COL4A1: variants seen among roughly 807,000 people sequenced by gnomAD.
COL4A1 encodes collagen type IV alpha 1 chain, also known as collagen alpha-1(IV) chain.
In COL4A1, 40 loss-of-function variants were observed where a neutral mutation model predicts 216.6. That is an observed-to-expected ratio of 0.18 (90% confidence interval 0.14 to 0.24). The LOEUF (loss-of-function observed/expected upper bound fraction) is 0.24, where lower values mean the gene tolerates loss of function less well. Among genes scored for constraint, COL4A1 ranks in the 10% least tolerant of loss-of-function variants. The probability of loss-of-function intolerance (pLI) is 1.00; values close to 1 mark genes in which losing one functional copy is unlikely to be tolerated. For missense variants in COL4A1, 1,628 were observed against 2,196.8 expected, an observed-to-expected ratio of 0.74 and a Z score of 5.18; for synonymous variants, 839 against 810.7, an observed-to-expected ratio of 1.03 and a Z score of -0.59.
chr13:110,267,361 A>G (rs1269741871), intron 1 of COL4A1, among the ~76,000 whole-genome samples: 1 of 152,216 alleles, frequency 6.6e-6, no homozygotes, highest in Non-Finnish European at 1.5e-5. Context: ...ACTCAAGCTC[A>G]CAAAGATGAA....
At chr13:110,206,931 C>T (rs200103606) in intron 13 of COL4A1, 40 bp from the exon 14 acceptor site, 2 of 1,609,646 alleles carry the variant, frequency 1.2e-6, no homozygotes, top group East Asian at 4.5e-5. Context: ...TATCAAACAG[C>T]TGTATCATTT....
chr13:110,181,470 G>T, intron 28 of COL4A1, 81 bp from the exon 29 acceptor site: 1 of 1,371,296 alleles, frequency 7.3e-7, no homozygotes, highest in Non-Finnish European at 1.0e-6. Context: ...TTCACTTTTA[G>T]TCTTGCCCAG....
chr13:110,152,045 T>G (rs1326568612), intron 51 of COL4A1, among the ~76,000 whole-genome samples: 3 of 152,214 alleles, frequency 2.0e-5, no homozygotes, highest in Non-Finnish European at 4.4e-5. Context: ...AAACATGCTC[T>G]GTTTGGAGAT....
In COL4A1 at chr13:110,259,583, G is replaced by A. The variant is rs186483267; in HGVS notation, c.85-16849C>T. On this transcript the variant is annotated intron_variant, in intron 1 of 51. Coordinates refer to ENST00000375820, the MANE Select transcript of COL4A1 (RefSeq NM_001845.6). ...AATTTTCCTTTTCAAAAACCAGAGC[G>A]AATCTTTACTGGAACAATTCACTAT... Among the ~76,000 whole-genome samples, 9 of 152,246 alleles carry A rather than the reference G, an allele frequency of 5.9e-5. No homozygotes were observed. The East Asian group carries it at 9.6e-4, about 16-fold the overall frequency.
At chr13:110,244,415 C>A (rs1465390741) in intron 1 of COL4A1, among the ~76,000 whole-genome samples, 3 of 152,168 alleles carry the variant, frequency 2.0e-5, no homozygotes, top group Non-Finnish European at 4.4e-5. Flanking sequence ...ACTCTCATAA[C>A]CTCCTAACAT....
chr13:110,278,586 T>C (rs1883510034), intron 1 of COL4A1, among the ~76,000 whole-genome samples: 1 of 152,230 alleles, frequency 6.6e-6, no homozygotes, highest in Non-Finnish European at 1.5e-5. Flanking sequence ...CAAAGTACTA[T>C]GTAGTGACTT....
intron 1 of COL4A1, among the ~76,000 whole-genome samples, chr13:110,257,019 T>C (rs566642433): frequency 4.6e-5 from 7 of 152,184 alleles, no homozygotes; most frequent in Non-Finnish European, 1.0e-4. Flanking sequence ...AGTGTAGTTT[T>C]CATAACTGCA....
chr13:110,170,446 T>TA (rs1250992613), intron 42 of COL4A1, 101 bp downstream of exon 42: 31 of 1,322,290 alleles, frequency 2.3e-5, no homozygotes, highest in Admixed American at 1.8e-4. Flanking sequence ...GACTTCTAAA[T>TA]AAAAAAGCCC....
chr13:110,287,679 C>A (rs532975473), intron 1 of COL4A1, among the ~76,000 whole-genome samples: 2 of 152,196 alleles, frequency 1.3e-5, no homozygotes, highest in Non-Finnish European at 2.9e-5. Context: ...CTTGCCTGGG[C>A]GGCTGTCTGG....
intron 1 of COL4A1, among the ~76,000 whole-genome samples, chr13:110,256,531 G>A (rs1471084301): frequency 6.6e-6 from 1 of 152,154 alleles, no homozygotes; most frequent in African/African-American, 2.4e-5. Context: ...GCCCGGGAAA[G>A]CAAAGGAGGA....
intron 15 of COL4A1, 127 bp downstream of exon 15, chr13:110,206,538 C>A (rs1041432515): frequency 5.6e-6 from 6 of 1,079,600 alleles, no homozygotes; most frequent in Non-Finnish European, 8.6e-6. Flanking sequence ...AAAAGCCCTT[C>A]GGGGCATGAA....
intron 21 of COL4A1, among the ~76,000 whole-genome samples, chr13:110,197,522 C>T (rs1878960792): frequency 6.6e-6 from 1 of 152,180 alleles, no homozygotes; most frequent in Admixed American, 6.5e-5. Context: ...ATTTTATCTT[C>T]ATTTCCCATG....
chr13:110,282,121 A>G (rs1043080102), intron 1 of COL4A1, among the ~76,000 whole-genome samples: 1 of 152,196 alleles, frequency 6.6e-6, no homozygotes, highest in Non-Finnish European at 1.5e-5. Context: ...AACTTTTACA[A>G]TTTGACCTCT....
chr13:110,219,967 C>CATATATATATATATATAT (rs71127921), intron 2 of COL4A1, among the ~76,000 whole-genome samples: 2 of 134,160 alleles, frequency 1.5e-5, no homozygotes, highest in African/African-American at 5.7e-5. Flanking sequence ...CATACATATA[C>CATATATATATATATATAT]ATATATATAT....
intron 24 of COL4A1, chr13:110,190,838 T>C (rs1360307656): frequency 6.6e-6 from 1 of 152,214 alleles, no homozygotes; most frequent in African/African-American, 2.4e-5. Context: ...ATTGGGGTTG[T>C]ATGTTTTCTT....
intron 42 of COL4A1, 138 bp downstream of exon 42, chr13:110,170,409 C>G: frequency 1.0e-6 from 1 of 957,992 alleles, no homozygotes; most frequent in Non-Finnish European, 1.6e-6. Flanking sequence ...GGGCCAAACA[C>G]AATTTCAAGC....
intron 2 of COL4A1, among the ~76,000 whole-genome samples, chr13:110,214,253 C>T (rs896447473): frequency 3.9e-5 from 6 of 152,048 alleles, no homozygotes; most frequent in African/African-American, 1.4e-4. Flanking sequence ...ACCACGCTGG[C>T]TAATTTTTGT....
intron 1 of COL4A1, among the ~76,000 whole-genome samples, chr13:110,275,753 G>A (rs1883404248): frequency 6.6e-6 from 1 of 152,136 alleles, no homozygotes; most frequent in South Asian, 2.1e-4. Context: ...CAGACATGGA[G>A]GAACCTCAAA....
intron 1 of COL4A1, among the ~76,000 whole-genome samples, chr13:110,276,160 G>A (rs937597486): frequency 2.0e-5 from 3 of 152,098 alleles, no homozygotes; most frequent in Non-Finnish European, 4.4e-5. Flanking sequence ...GCGTGTGCCC[G>A]AGAAGAGGTA....
Sources: allele counts gnomAD v4.1 joint callset (sites outside exome capture counted in the v4.1 genomes callset), GRCh38; gene constraint gnomAD v4.1.1; transcripts MANE v1.5; gene names NCBI Gene and HGNC (gene_info 2026-07-23, HGNC 2026-07-21).